Variants in COP1 observed in about 807,000 individuals in gnomAD.
The protein encoded by COP1 is COP1 E3 ubiquitin ligase, also known as E3 ubiquitin-protein ligase COP1.
Under a neutral mutation model 101.3 loss-of-function variants are expected in COP1, and 24 were observed. The ratio of observed to expected loss-of-function variants is 0.24; its 90% CI spans 0.17 to 0.33. The LOEUF is 0.33. COP1 is among the 10% of genes least tolerant of loss of function. The probability of loss-of-function intolerance (pLI) is 1.00; values close to 1 mark genes in which losing one functional copy is unlikely to be tolerated. For missense variants in COP1, 663 were observed against 906.2 expected, an observed-to-expected ratio of 0.73 and a Z score of 3.45; for synonymous variants, 347 against 341.9, an observed-to-expected ratio of 1.01 and a Z score of -0.17.
chr1:176,087,891 A>T (rs975362822), intron 9 of COP1, among the ~76,000 whole-genome samples: 1 of 152,202 alleles, frequency 6.6e-6, no homozygotes. Flanking sequence ...TTAAGAAAAT[A>T]TGGCACATAT....
chr1:176,178,767 C>T lies in COP1; in HGVS notation c.468-2760G>A, dbSNP rs536611611. ...ACTCGGGAGGCTGAGGCAGGAGAAT[C>T]GCTTGAACCCGGGAGGTGGAGCTTG... On this transcript the variant is annotated intron_variant, in intron 2 of 19. Transcript: ENST00000367669. Among the ~76,000 whole-genome samples, 269 of 152,056 alleles carry T rather than the reference C, an allele frequency of 1.8e-3. 1 individual carries two copies. Among genetic ancestry groups the T allele is most frequent in the Non-Finnish European group, 2.8e-3 (189 of 67,960 alleles).
At chr1:176,077,288 A>C (rs190791494) in intron 11 of COP1, among the ~76,000 whole-genome samples, 1 of 152,336 alleles carries the variant, frequency 6.6e-6, no homozygotes, top group Admixed American at 6.5e-5. Context: ...GAGCACATCA[A>C]AAGTTAATTT....
rs773025328 is a variant in COP1 at position 176,085,754 on chromosome 1, T to C, written c.1141+22A>G. 2.0e-5 allele frequency: 27 copies of C among 1,333,322 alleles called. No homozygotes were observed. In the African/African-American group the frequency reaches 3.5e-4, roughly 17 times the overall value. 82.6% of individuals were successfully genotyped at this position (1,333,322 alleles called of 1,614,324 possible). On this transcript the variant is annotated intron_variant, in intron 10 of 19. Transcript: ENST00000367669. Reference sequence around the variant, plus strand: ...ATCTGAAATGTAGATTTCAGATAATTTGAGAAGGTCTAAATATATACCTGA... The same window carrying C: ...ATCTGAAATGTAGATTTCAGATAATCTGAGAAGGTCTAAATATATACCTGA...
chr1:176,039,228 T>C (rs1670101518), intron 14 of COP1, among the ~76,000 whole-genome samples: 1 of 152,040 alleles, frequency 6.6e-6, no homozygotes, highest in Non-Finnish European at 1.5e-5. Context: ...AAAAAAGGAA[T>C]CTCAGGGGAA....
chr1:176,004,940 C>T (rs1158818299), intron 15 of COP1, among the ~76,000 whole-genome samples: 1 of 151,596 alleles, frequency 6.6e-6, no homozygotes, highest in African/African-American at 2.4e-5. Flanking sequence ...CCAGTTCCTC[C>T]TTGTACCTCT....
intron 8 of COP1, among the ~76,000 whole-genome samples, chr1:176,127,561 CTGTGTGTGTG>C (rs71129555): frequency 3.4e-5 from 5 of 148,262 alleles, no homozygotes; most frequent in East Asian, 4.0e-4. Flanking sequence ...TAGTATTCTA[CTGTGTGTGTG>C]TGTGTGTGTG....
chr1:176,063,662 C>G (rs983008762), intron 11 of COP1, among the ~76,000 whole-genome samples: 2 of 152,050 alleles, frequency 1.3e-5, no homozygotes, highest in African/African-American at 4.8e-5. Context: ...GAAAAACAGC[C>G]CTGTTTCAAT....
intron 10 of COP1, among the ~76,000 whole-genome samples, chr1:176,081,866 G>A (rs1224012240): frequency 3.9e-5 from 6 of 152,064 alleles, no homozygotes; most frequent in African/African-American, 1.4e-4. Context: ...AAAAAAGTTT[G>A]AAATTGCTCC....
intron 15 of COP1, among the ~76,000 whole-genome samples, chr1:176,019,260 C>T (rs1385084725): frequency 4.0e-5 from 6 of 151,370 alleles, no homozygotes; most frequent in East Asian, 2.0e-4. Context: ...GTCAGGAGTT[C>T]GCGATAAGCC....
intron 9 of COP1, among the ~76,000 whole-genome samples, chr1:176,107,074 A>G (rs1162465334): frequency 6.6e-6 from 1 of 152,152 alleles, no homozygotes; most frequent in Non-Finnish European, 1.5e-5. Context: ...GCTGTTCTGT[A>G]TATCCATTGC....
intron 9 of COP1, among the ~76,000 whole-genome samples, 195 bp from the exon 10 acceptor site, chr1:176,086,085 A>G (rs1300550247): frequency 6.6e-6 from 1 of 152,188 alleles, no homozygotes; most frequent in African/African-American, 2.4e-5. Context: ...CATTCGCAGA[A>G]TGATTAAAAC....
At chr1:176,176,419 GAA>G (rs1696943076) in intron 2 of COP1, among the ~76,000 whole-genome samples, 1 of 151,974 alleles carries the variant, frequency 6.6e-6, no homozygotes, top group South Asian at 2.1e-4. Flanking sequence ...AAAACTCAAC[GAA>G]AGACAAAAAT....
intron 11 of COP1, among the ~76,000 whole-genome samples, chr1:176,055,662 A>T (rs9425444): frequency 2.6e-5 from 4 of 152,126 alleles, no homozygotes; most frequent in African/African-American, 7.2e-5. Context: ...TGATAGGCAT[A>T]GTTAACCCGT....
chr1:176,184,744 A>T (rs189955856), intron 1 of COP1, 52 bp from the exon 2 acceptor site: 1 of 1,357,788 alleles, frequency 7.4e-7, no homozygotes, highest in Non-Finnish European at 1.0e-6. Flanking sequence ...GAGTGATTAC[A>T]AATTGGAAAA....
intron 14 of COP1, among the ~76,000 whole-genome samples, chr1:176,040,194 T>C (rs1182930970): frequency 3.9e-5 from 6 of 152,178 alleles, no homozygotes; most frequent in Admixed American, 3.9e-4. Flanking sequence ...CTCACTAATT[T>C]AGAAATTCAA....
At chr1:176,201,109 C>T (rs1700221161) in intron 1 of COP1, among the ~76,000 whole-genome samples, 1 of 152,130 alleles carries the variant, frequency 6.6e-6, no homozygotes, top group Non-Finnish European at 1.5e-5. Flanking sequence ...GAAATGCTCA[C>T]TGGAGCATTT....
intron 5 of COP1, among the ~76,000 whole-genome samples, chr1:176,161,069 T>C (rs751083621): frequency 5.9e-5 from 9 of 152,186 alleles, no homozygotes; most frequent in Non-Finnish European, 5.9e-5. Flanking sequence ...ACAATATAAA[T>C]AGGGTCAGTT....
chr1:176,183,503 G>A (rs990497271), intron 2 of COP1, among the ~76,000 whole-genome samples: 1 of 152,164 alleles, frequency 6.6e-6, no homozygotes, highest in Admixed American at 6.6e-5. Context: ...CACTGTTGGT[G>A]AGAACATAAA....
intron 3 of COP1, among the ~76,000 whole-genome samples, chr1:176,175,437 C>T (rs1385446197): frequency 1.3e-5 from 2 of 152,210 alleles, no homozygotes; most frequent in African/African-American, 2.4e-5. Flanking sequence ...CAGGATGAAA[C>T]TGTTCCACCT....
Sources: allele counts gnomAD v4.1 joint callset (sites outside exome capture counted in the v4.1 genomes callset), GRCh38; gene constraint gnomAD v4.1.1; transcripts MANE v1.5; gene names NCBI Gene and HGNC (gene_info 2026-07-23, HGNC 2026-07-21).